The following GLP2R variants were observed in gnomAD, a reference collection of about 807,000 sequenced individuals.
The protein encoded by GLP2R is glucagon-like peptide 2 receptor.
Under a neutral mutation model 68.2 loss-of-function variants are expected in GLP2R, and 59 were observed. The ratio of observed to expected loss-of-function variants is 0.87; its 90% CI spans 0.70 to 1.07. The LOEUF (loss-of-function observed/expected upper bound fraction) is 1.07, where lower values mean the gene tolerates loss of function less well. Among genes scored for constraint, GLP2R ranks in the 50% least tolerant of loss-of-function variants. The pLI is 0.00. For missense variants in GLP2R, 548 were observed against 677.4 expected, an observed-to-expected ratio of 0.81 and a Z score of 2.12; for synonymous variants, 270 against 265.4, an observed-to-expected ratio of 1.02 and a Z score of -0.17.
chr17:9,855,608 A>G (rs2066927680), intron 5 of GLP2R, among the ~76,000 whole-genome samples: 1 of 152,144 alleles, frequency 6.6e-6, no homozygotes, highest in African/African-American at 2.4e-5. Context: ...TTAAGTGCTT[A>G]CTCCTAAGCG....
chr17:9,861,693 C>T (rs920239464), intron 8 of GLP2R, among the ~76,000 whole-genome samples: 1 of 147,080 alleles, frequency 6.8e-6, no homozygotes, highest in African/African-American at 2.4e-5. Context: ...ATTGTGTGAT[C>T]CCATTTTTTT....
chr17:9,836,117 T>C (rs1279229779), intron 2 of GLP2R, among the ~76,000 whole-genome samples: 1 of 152,034 alleles, frequency 6.6e-6, no homozygotes, highest in Non-Finnish European at 1.5e-5. Flanking sequence ...GATGTGTACA[T>C]TGACGTAATT....
At position 9,889,404 on chromosome 17, in the gene GLP2R, T is replaced by G. The variant is rs764809714; in HGVS notation, c.1361T>G (p.Phe454Cys). 100 of 1,613,966 alleles carry G rather than the reference T, an allele frequency of 6.2e-5. No individual in the cohort carries two copies. Among genetic ancestry groups the G allele is most frequent in the Non-Finnish European group, 7.5e-5 (88 of 1,179,946 alleles). ...KAELRKYWVRFLLARHSGCRA... is the reference protein window; with the variant it reads ...KAELRKYWVRCLLARHSGCRA... ...GAGCTGCGGAAATACTGGGTCCGCT[T>G]CTTGCTAGCCCGCCACTCAGGCTGC... Residue 454 changes from phenylalanine (F) to cysteine (C), a missense_variant, in exon 13 of 13, where the codon TTC (phenylalanine) becomes TGC (cysteine). By Grantham distance (205) the Phe-to-Cys change is radical. Coordinates refer to ENST00000262441, the MANE Select transcript of GLP2R (RefSeq NM_004246.3).
At chr17:9,857,646 G>A in intron 6 of GLP2R, 70 bp downstream of exon 6, 1 of 1,488,354 alleles carries the variant, frequency 6.7e-7, no homozygotes, top group South Asian at 1.2e-5. Context: ...TCAGAAGGCA[G>A]GCAGGTGGGA....
chr17:9,839,983 C>CT (rs11387395), intron 3 of GLP2R, among the ~76,000 whole-genome samples: 77,739 of 139,240 alleles, frequency 0.56, 22,918 homozygotes, highest in Non-Finnish European at 0.66. Context: ...TCTGAAGCCT[C>CT]TTTTTTTTTT....
chr17:9,837,854 A>G (rs902373742), intron 3 of GLP2R, among the ~76,000 whole-genome samples: 3 of 152,242 alleles, frequency 2.0e-5, no homozygotes, highest in Admixed American at 1.3e-4. Context: ...AAACAAGGTG[A>G]GAACCAGCTT....
chr17:9,858,904 A>T (rs528065710), intron 6 of GLP2R, among the ~76,000 whole-genome samples: 1 of 152,258 alleles, frequency 6.6e-6, no homozygotes, highest in East Asian at 1.9e-4. Flanking sequence ...ACTTTATTGG[A>T]CTTTTCAAAG....
chr17:9,836,039 C>CAAAAA (rs10706067), intron 2 of GLP2R, among the ~76,000 whole-genome samples: 20 of 87,174 alleles, frequency 2.3e-4, no homozygotes, highest in Non-Finnish European at 3.1e-4. Context: ...ACTCCATCTC[C>CAAAAA]AAAAAAAAAA....
chr17:9,838,182 A>G (rs1466498578), intron 3 of GLP2R, among the ~76,000 whole-genome samples: 1 of 152,194 alleles, frequency 6.6e-6, no homozygotes, highest in Admixed American at 6.5e-5. Flanking sequence ...GGAAAAGAGC[A>G]CTGGGTGTGG....
Position 9,891,712 on chromosome 17 carries a change from A to AT in GLP2R, c.*2013dup, listed in dbSNP as rs1347359193. ...CAGGCAAGTAATGAAGCAAAGGTTT[A>AT]TTTTTTGGTGTCCAGATTATCCATA... is the stretch of plus-strand genomic sequence containing the variant. On this transcript the variant is annotated 3_prime_UTR_variant, in exon 13 of 13. Transcript: ENST00000262441. 1.3e-5 allele frequency: 2 copies of AT among 152,268 alleles called. No individual in the cohort carries two copies. The highest frequency in any genetic ancestry group is 2.9e-5 in the Non-Finnish European group (2 of 68,006). 9.4% of individuals were successfully genotyped at this position (152,268 alleles called of 1,614,324 possible).
intron 10 of GLP2R, among the ~76,000 whole-genome samples, chr17:9,877,876 CAAA>C (rs11329707): frequency 0.24 from 24,055 of 100,874 alleles, 2,072 homozygotes; most frequent in Non-Finnish European, 0.33. Flanking sequence ...GACTCCGTCT[CAAA>C]AAAAAAAAAA....
chr17:9,852,826 T>A (rs2066903952), intron 4 of GLP2R: 1 of 319,834 alleles, frequency 3.1e-6, no homozygotes, highest in African/African-American at 2.2e-5. Flanking sequence ...ATCATCATCA[T>A]CATCTTCTCC....
chr17:9,827,318 C>T lies in GLP2R; in HGVS notation c.189+1066C>T, dbSNP rs181996012. 2.2e-4 allele frequency among the ~76,000 whole-genome samples: 34 copies of T among 152,312 alleles called. No homozygotes were observed. In the East Asian group the frequency reaches 2.5e-3, roughly 11 times the overall value. On this transcript the variant is annotated intron_variant, in intron 1 of 12. Transcript: ENST00000262441. ...CACTGGGTTGAGTGCCAGGTGCCCC[C>T]GTTCCTCATATTTTCTCCTTCTGTG...
At chr17:9,840,927 C>T (rs932676312) in intron 3 of GLP2R, among the ~76,000 whole-genome samples, 2 of 151,872 alleles carry the variant, frequency 1.3e-5, no homozygotes, top group African/African-American at 4.8e-5. Flanking sequence ...GAGTTACGGG[C>T]CAGATCTTAG....
intron 9 of GLP2R, among the ~76,000 whole-genome samples, chr17:9,865,249 T>C (rs2067023956): frequency 6.6e-6 from 1 of 152,156 alleles, no homozygotes; most frequent in Non-Finnish European, 1.5e-5. Flanking sequence ...CTTCTAAAGA[T>C]CTCTCCAAGC....
At chr17:9,853,956 A>G (rs539720471) in intron 4 of GLP2R, among the ~76,000 whole-genome samples, 1 of 152,362 alleles carries the variant, frequency 6.6e-6, no homozygotes, top group Non-Finnish European at 1.5e-5. Context: ...GCATTTAATA[A>G]CACAAAATTT....
chr17:9,847,117 A>G (rs1470123349), intron 4 of GLP2R, among the ~76,000 whole-genome samples: 1 of 152,224 alleles, frequency 6.6e-6, no homozygotes, highest in Admixed American at 6.5e-5. Flanking sequence ...AGCGTTAGAC[A>G]TGTTTCTCCT....
At chr17:9,871,896 T>C (rs2067097926) in intron 10 of GLP2R, among the ~76,000 whole-genome samples, 1 of 152,108 alleles carries the variant, frequency 6.6e-6, no homozygotes, top group Admixed American at 6.5e-5. Flanking sequence ...GGCTAATTTT[T>C]GTATTTTTAG....
chr17:9,842,161 A>C (rs545118649), intron 3 of GLP2R, among the ~76,000 whole-genome samples: 202 of 152,216 alleles, frequency 1.3e-3, no homozygotes, highest in African/African-American at 4.5e-3. Context: ...TCAGGAAGAG[A>C]TGCCCCACCT....
Sources: gnomAD v4.1 joint callset for allele counts (sites outside exome capture counted in the v4.1 genomes callset) on GRCh38, gnomAD v4.1.1 for gene constraint, MANE v1.5 for transcripts, NCBI Gene and HGNC (gene_info 2026-07-23, HGNC 2026-07-21) for gene names.